Variants in TLL2 observed in about 807,000 individuals in gnomAD.
TLL2 encodes tolloid-like protein 2.
TLL2 carries 106 observed loss-of-function variants against 123.0 expected under a neutral mutation model. The ratio of observed to expected loss-of-function variants is 0.86; its 90% CI spans 0.74 to 1.01. The LOEUF (loss-of-function observed/expected upper bound fraction) is 1.01, where lower values mean the gene tolerates loss of function less well. Among genes scored for constraint, TLL2 ranks in the 50% least tolerant of loss-of-function variants. The pLI, the probability that TLL2 is intolerant of heterozygous loss-of-function variation, is 0.00. For synonymous variants in TLL2, 494 were observed against 516.8 expected (o/e 0.96, Z 0.60); for missense variants, 1,332 against 1,336.7 (o/e 1.00, Z 0.06).
At chr10:96,472,702 C>T (rs1847195879) in intron 2 of TLL2, among the ~76,000 whole-genome samples, 1 of 151,868 alleles carries the variant, frequency 6.6e-6, no homozygotes, top group South Asian at 2.1e-4. Flanking sequence ...GTTGAGGCTG[C>T]AGTGCACCAC....
chr10:96,487,841 G>A (rs1007702306), intron 1 of TLL2, among the ~76,000 whole-genome samples: 5 of 152,044 alleles, frequency 3.3e-5, no homozygotes, highest in African/African-American at 1.2e-4. Flanking sequence ...TTCCCAGATT[G>A]TGCCAGAGTC....
intron 2 of TLL2, among the ~76,000 whole-genome samples, chr10:96,469,580 C>A (rs944705977): frequency 6.6e-6 from 1 of 152,118 alleles, no homozygotes; most frequent in Admixed American, 6.5e-5. Context: ...GGGCCTTCCC[C>A]GTAGGTGTGG....
At chr10:96,459,846 T>G (rs4595479) in intron 2 of TLL2, among the ~76,000 whole-genome samples, 1 of 148,782 alleles carries the variant, frequency 6.7e-6, no homozygotes, top group Non-Finnish European at 1.5e-5. Flanking sequence ...ATGAAATAGA[T>G]GGTACTGAGA....
At chr10:96,433,418 A>G (rs1425483879) in intron 3 of TLL2, among the ~76,000 whole-genome samples, 1 of 152,182 alleles carries the variant, frequency 6.6e-6, no homozygotes, top group Non-Finnish European at 1.5e-5. Flanking sequence ...AACTGGAAAA[A>G]TTATTTATAA....
At chr10:96,378,941 C>G (rs373090210) in intron 17 of TLL2, 26 bp downstream of exon 17, 228 of 1,612,342 alleles carry the variant, frequency 1.4e-4, no homozygotes, top group Non-Finnish European at 1.8e-4. Flanking sequence ...AGCCCGCCCC[C>G]CCAACAACTG....
At chr10:96,446,202 ACATCAGCCTTCTCTG>A (rs1251536020) in intron 2 of TLL2, 34 bp from the exon 3 acceptor site, 3 of 1,604,328 alleles carry the variant, frequency 1.9e-6, no homozygotes, top group Non-Finnish European at 2.6e-6. Context: ...GCATGAGGAC[ACATCAGCCTTCTCTG>A]CATCAGCACC....
At chr10:96,509,871 C>T (rs536613235) in intron 1 of TLL2, among the ~76,000 whole-genome samples, 1 of 152,298 alleles carries the variant, frequency 6.6e-6, no homozygotes, top group South Asian at 2.1e-4. Context: ...GGCGTGAACC[C>T]GGGAGGCGGA....
chr10:96,505,046 T>A (rs1351624266), intron 1 of TLL2, among the ~76,000 whole-genome samples: 1 of 150,384 alleles, frequency 6.6e-6, no homozygotes, highest in East Asian at 1.9e-4. Context: ...AATAAATAAA[T>A]AAAAGATACT....
At chr10:96,496,456 G>A (rs542419157) in intron 1 of TLL2, among the ~76,000 whole-genome samples, 4 of 152,146 alleles carry the variant, frequency 2.6e-5, no homozygotes, top group Admixed American at 1.3e-4. Flanking sequence ...CTCCACAGCC[G>A]CTCTGAAAGC....
At chr10:96,370,702 G>A (rs1846074070) in intron 19 of TLL2, among the ~76,000 whole-genome samples, 1 of 152,196 alleles carries the variant, frequency 6.6e-6, no homozygotes, top group African/African-American at 2.4e-5. Context: ...ATGCATCTGA[G>A]AAGGGCTCCC....
At chr10:96,427,782 G>C (rs570864848) in intron 5 of TLL2, among the ~76,000 whole-genome samples, 1 of 151,926 alleles carries the variant, frequency 6.6e-6, no homozygotes, top group African/African-American at 2.4e-5. Flanking sequence ...GGTTTTTTTT[G>C]TTGTTGTTGT....
intron 1 of TLL2, among the ~76,000 whole-genome samples, chr10:96,488,195 A>G (rs1029729098): frequency 1.3e-5 from 2 of 152,246 alleles, no homozygotes; most frequent in Admixed American, 6.5e-5. Context: ...TGCACCCTGC[A>G]GGCACTGAGG....
intron 5 of TLL2, among the ~76,000 whole-genome samples, chr10:96,427,856 G>A (rs922927857): frequency 2.0e-5 from 3 of 152,106 alleles, no homozygotes; most frequent in African/African-American, 4.8e-5. Context: ...GTGCAATGGC[G>A]GGATCTCGGC....
chr10:96,395,446 G>T, intron 12 of TLL2, 64 bp from the exon 13 acceptor site: 1 of 1,466,570 alleles, frequency 6.8e-7, no homozygotes, highest in South Asian at 1.4e-5. Context: ...TTTGATTTAA[G>T]AAGAGAACCC....
At position 96,373,830 on chromosome 10, in the gene TLL2, A is replaced by G. The variant is rs749276051; in HGVS notation, c.2449-21T>C. On this transcript the variant is annotated intron_variant, in intron 18 of 20. Coordinates refer to ENST00000357947, the MANE Select transcript of TLL2 (RefSeq NM_012465.4). ...AAGGTCTGGGGACAGAAGAGCAGAA[A>G]GTAAGGCAAGGGCCTGGCGTTCAGC... 17 of 1,609,024 alleles carry G rather than the reference A, an allele frequency of 1.1e-5. No homozygotes were observed. The South Asian group carries it at 1.8e-4, about 17-fold the overall frequency.
chr10:96,455,410 TG>T (rs1648087933), intron 2 of TLL2, among the ~76,000 whole-genome samples: 1 of 152,080 alleles, frequency 6.6e-6, no homozygotes, highest in African/African-American at 2.4e-5. Context: ...AAATAGGGGA[TG>T]GGTAAAATAA....
intron 4 of TLL2, among the ~76,000 whole-genome samples, chr10:96,429,213 G>C (rs1197155050): frequency 6.6e-6 from 1 of 152,168 alleles, no homozygotes; most frequent in Non-Finnish European, 1.5e-5. Flanking sequence ...TAAAAGAACA[G>C]ATTTTGTGTC....
Position 96,368,064 on chromosome 10 carries a change from T to G in TLL2, c.*24A>C, listed in dbSNP as rs1846045980. 6.2e-7 allele frequency: 1 copy of G among 1,610,296 alleles called. No homozygotes were observed. The highest frequency in any genetic ancestry group is 1.1e-5 in the South Asian group (1 of 90,722). The stretch of plus-strand genomic sequence containing the variant: ...AAACAAAACAAAAAAAATTCTCAGT[T>G]TCTGTCTTTCAAGAACATCAGCACT... On this transcript the variant is annotated 3_prime_UTR_variant, in exon 21 of 21. Transcript: ENST00000357947.
chr10:96,373,609 T>C lies in TLL2; in HGVS notation c.2649A>G (p.Ala883=). The part of the protein sequence containing the change: ...DASVQRKGFQ[A]VHSTECGGRL... ...CACCCCAGGTACCTGTGCTGTGCAC[T>C]GCCTGGAAGCCTTTCCTCTGCACTG... Residue 883 remains alanine (A), a synonymous_variant, in exon 19 of 21, where the codon GCA becomes GCG. Coordinates refer to ENST00000357947, the MANE Select transcript of TLL2 (RefSeq NM_012465.4). The C allele has an allele frequency of 6.2e-7, 1 of 1,614,230 alleles. No individual in the cohort carries two copies. Among genetic ancestry groups the C allele is most frequent in the South Asian group, 1.1e-5 (1 of 91,066 alleles).
Sources: gnomAD v4.1 joint callset for allele counts (sites outside exome capture counted in the v4.1 genomes callset) on GRCh38, gnomAD v4.1.1 for gene constraint, MANE v1.5 for transcripts, NCBI Gene and HGNC (gene_info 2026-07-23, HGNC 2026-07-21) for gene names.